The following BAIAP2 variants were observed in gnomAD, a reference collection of about 807,000 sequenced individuals.
The protein encoded by BAIAP2 is BAR/IMD domain containing adaptor protein 2.
In BAIAP2, 18 loss-of-function variants were observed where a neutral mutation model predicts 63.0. The observed-to-expected ratio is 0.29, with a 90% confidence interval of 0.20 to 0.42. The LOEUF is 0.42. BAIAP2 is among the 10% of genes least tolerant of loss of function. The probability of loss-of-function intolerance (pLI) is 1.00; values close to 1 mark genes in which losing one functional copy is unlikely to be tolerated. For missense variants in BAIAP2, 610 were observed against 734.3 expected (o/e 0.83, Z 1.96); for synonymous variants, 386 against 307.6 (o/e 1.25, Z -2.67).
chr17:81,115,858 T>C lies in BAIAP2; in HGVS notation c.*19T>C, dbSNP rs2060497008. On this transcript the variant is annotated 3_prime_UTR_variant, in exon 14 of 14. Coordinates refer to ENST00000428708, the MANE Select transcript of BAIAP2 (RefSeq NM_001144888.2). ...CAGCTGATGGCCACATCTGCAGTGC[T>C]GCCCATCTGGTGGCTTCCCCCGCCC... is the stretch of plus-strand genomic sequence containing the variant. 1.2e-6 allele frequency: 2 copies of C among 1,612,818 alleles called. No individual in the cohort carries two copies. Among genetic ancestry groups the C allele is most frequent in the South Asian group, 2.2e-5 (2 of 91,090 alleles).
intron 11 of BAIAP2, among the ~76,000 whole-genome samples, chr17:81,106,371 A>C (rs894461728): frequency 7.2e-5 from 11 of 152,204 alleles, no homozygotes; most frequent in African/African-American, 2.4e-4. Flanking sequence ...ACACCAGAGC[A>C]GGCAGCAGGT....
At chr17:81,095,642 C>A (rs373762014) in intron 6 of BAIAP2, among the ~76,000 whole-genome samples, 1 of 152,114 alleles carries the variant, frequency 6.6e-6, no homozygotes, top group Non-Finnish European at 1.5e-5. Flanking sequence ...CAGCTCCCCC[C>A]GTCCTTCGGG....
intron 3 of BAIAP2, among the ~76,000 whole-genome samples, chr17:81,082,795 G>A (rs544568112): frequency 4.6e-5 from 7 of 152,338 alleles, no homozygotes; most frequent in South Asian, 4.1e-4. Flanking sequence ...GGGATAGCTC[G>A]AGAGGCAGCC....
rs563759491 is a variant in BAIAP2 at position 81,056,159 on chromosome 17, G to A, written c.131-1722G>A. On this transcript the variant is annotated intron_variant, in intron 2 of 13. Transcript: ENST00000428708. ...GAGTAGGAAGGCTGAGGCCCGGCTCGAGGTGGGTGCAGAGGGCTTCCAACT... is the reference window on the plus strand; with the variant it reads ...GAGTAGGAAGGCTGAGGCCCGGCTCAAGGTGGGTGCAGAGGGCTTCCAACT... Among the ~76,000 whole-genome samples, 7 of 152,322 alleles carry A rather than the reference G, an allele frequency of 4.6e-5. No individual in the cohort carries two copies. In the East Asian group the frequency reaches 7.7e-4, roughly 17 times the overall value.
chr17:81,100,522 C>T (rs1442148518), intron 7 of BAIAP2, among the ~76,000 whole-genome samples: 1 of 152,052 alleles, frequency 6.6e-6, no homozygotes, highest in African/African-American at 2.4e-5. Flanking sequence ...TCCTGGGGTA[C>T]AGCCTCTGGG....
chr17:81,038,597 G>A (rs747752857), intron 1 of BAIAP2, among the ~76,000 whole-genome samples: 2 of 152,254 alleles, frequency 1.3e-5, no homozygotes, highest in Non-Finnish European at 2.9e-5. Context: ...GCCGTGCTTC[G>A]AGGAGACGGG....
rs1393746359 is a variant in BAIAP2 at position 81,109,675 on chromosome 17, A to G, written c.1535+1166A>G. The stretch of plus-strand genomic sequence containing the variant: ...CACCTGAGGGCTTCTCCCTCTGGAC[A>G]CTGCGGGCCAGGTGTACATAGAGCA... On this transcript the variant is annotated intron_variant, in intron 13 of 13. Transcript: ENST00000428708. The G allele has an allele frequency of 3.0e-6, 3 of 985,234 alleles. No homozygotes were observed. In the African/African-American group the frequency reaches 5.2e-5, roughly 17 times the overall value. 61.0% of individuals were successfully genotyped at this position (985,234 alleles called of 1,614,324 possible). A position where few individuals can be genotyped will look rare whatever the true frequency, so the allele number is the denominator to read the frequency against.
At chr17:81,089,316 C>T (rs934735112) in intron 6 of BAIAP2, among the ~76,000 whole-genome samples, 13 of 152,204 alleles carry the variant, frequency 8.5e-5, no homozygotes, top group Non-Finnish European at 1.5e-4. Context: ...TCGGTGGACC[C>T]TTCGTTGACT....
At chr17:81,051,557 G>A (rs1340911115) in intron 1 of BAIAP2, among the ~76,000 whole-genome samples, 1 of 152,098 alleles carries the variant, frequency 6.6e-6, no homozygotes, top group African/African-American at 2.4e-5. Context: ...CTGCCACCAA[G>A]CCCGGCTTTT....
intron 3 of BAIAP2, among the ~76,000 whole-genome samples, chr17:81,068,301 G>C (rs1366691243): frequency 2.0e-5 from 3 of 152,216 alleles, no homozygotes; most frequent in Non-Finnish European, 4.4e-5. Flanking sequence ...GCACAGATAG[G>C]CGAGGCTGGT....
intron 1 of BAIAP2, among the ~76,000 whole-genome samples, chr17:81,041,600 G>A (rs2047087983): frequency 6.6e-6 from 1 of 152,186 alleles, no homozygotes; most frequent in South Asian, 2.1e-4. Context: ...TGGAGACGGA[G>A]TTTTGCTCTT....
Position 81,116,285 on chromosome 17 carries a change from C to G in BAIAP2, c.*446C>G, listed in dbSNP as rs776985011. 6.2e-7 allele frequency: 1 copy of G among 1,612,460 alleles called. No individual in the cohort carries two copies. Among genetic ancestry groups the G allele is most frequent in the Non-Finnish European group, 8.5e-7 (1 of 1,179,520 alleles). On this transcript the variant is annotated 3_prime_UTR_variant, in exon 14 of 14. Coordinates refer to ENST00000428708, the MANE Select transcript of BAIAP2 (RefSeq NM_001144888.2). ...CCGGGAGCACGGGGATGGGAGCGCC[C>G]GCACCCTGGCTGGAAGATGAACTTC...
rs1455029555 is a variant in BAIAP2, at chr17:81,117,025, G to A, written c.*1186G>A. On this transcript the variant is annotated 3_prime_UTR_variant, in exon 14 of 14. Transcript: ENST00000428708. ...AGAAGGGCAGGGAGGAGGCTGTCCTGGAGAGGCCTGTAGGTCCATTCTTCA... is the reference window on the plus strand; with the variant it reads ...AGAAGGGCAGGGAGGAGGCTGTCCTAGAGAGGCCTGTAGGTCCATTCTTCA... 6.6e-6 allele frequency: 1 copy of A among 152,420 alleles called. No homozygotes were observed. The highest frequency in any genetic ancestry group is 1.5e-5 in the Non-Finnish European group (1 of 68,200). 9.4% of individuals were successfully genotyped at this position (152,420 alleles called of 1,614,324 possible). A position where few individuals can be genotyped will look rare whatever the true frequency, so the allele number is the denominator to read the frequency against.
intron 1 of BAIAP2, among the ~76,000 whole-genome samples, chr17:81,045,016 G>A (rs2047611209): frequency 6.6e-6 from 1 of 152,258 alleles, no homozygotes; most frequent in South Asian, 2.1e-4. Flanking sequence ...GGCAGGATGT[G>A]CCTCTCGGAC....
chr17:81,051,379 C>T (rs1338315714), intron 1 of BAIAP2, among the ~76,000 whole-genome samples: 2 of 152,116 alleles, frequency 1.3e-5, no homozygotes, highest in African/African-American at 4.8e-5. Context: ...GGGATCTTCT[C>T]TTTTGTTTGT....
intron 3 of BAIAP2, among the ~76,000 whole-genome samples, chr17:81,070,280 A>C (rs1011638168): frequency 1.3e-5 from 2 of 152,078 alleles, no homozygotes; most frequent in African/African-American, 4.8e-5. Context: ...TTGCAAGGCA[A>C]ATTTGCCCAT....
At chr17:81,041,878 G>T (rs2047127044) in intron 1 of BAIAP2, among the ~76,000 whole-genome samples, 1 of 152,108 alleles carries the variant, frequency 6.6e-6, no homozygotes, top group Non-Finnish European at 1.5e-5. Context: ...GGCCCTGTTT[G>T]GGTAGATTTT....
Position 81,053,810 on chromosome 17 carries a change from C to T in BAIAP2, c.130+67C>T. ...TGAGCTGGTAGAACTGCGCCCGGGC[C>T]CCGTGGGGTGGGAGCTGCCTCCTGA... is the stretch of plus-strand genomic sequence containing the variant. On this transcript the variant is annotated intron_variant, in intron 2 of 13. Coordinates refer to ENST00000428708, the MANE Select transcript of BAIAP2 (RefSeq NM_001144888.2). 2.6e-6 allele frequency: 4 copies of T among 1,562,970 alleles called. No homozygotes were observed. The South Asian group carries it at 4.5e-5, about 17-fold the overall frequency.
At chr17:81,104,361 G>A (rs954058629) in intron 9 of BAIAP2, 153 bp from the exon 10 acceptor site, 32 of 900,974 alleles carry the variant, frequency 3.6e-5, no homozygotes, top group African/African-American at 3.4e-4. Context: ...CAGCCACTTG[G>A]GAGCAGGTAG....
Sources: allele counts gnomAD v4.1 joint callset (sites outside exome capture counted in the v4.1 genomes callset), GRCh38; gene constraint gnomAD v4.1.1; transcripts MANE v1.5; gene names NCBI Gene and HGNC (gene_info 2026-07-23, HGNC 2026-07-21).